The following MON1A variants were observed in gnomAD, a reference collection of about 807,000 sequenced individuals.
MON1A encodes the protein vacuolar fusion protein MON1 homolog A.
MON1A carries 29 observed loss-of-function variants against 44.6 expected under a neutral mutation model. The observed-to-expected ratio is 0.65, with a 90% CI of 0.48 to 0.89. The LOEUF is 0.89. Among genes scored for constraint, MON1A ranks in the 40% least tolerant of loss-of-function variants. The pLI is 0.00. For missense variants in MON1A, 615 were observed against 759.6 expected, an observed-to-expected ratio of 0.81 and a Z score of 2.24; for synonymous variants, 275 against 316.4, an observed-to-expected ratio of 0.87 and a Z score of 1.39.
intron 1 of MON1A, among the ~76,000 whole-genome samples, chr3:49,914,979 C>T (rs1045997675): frequency 8.5e-5 from 13 of 152,180 alleles, no homozygotes; most frequent in African/African-American, 3.1e-4. Context: ...CCATGCCCAG[C>T]CTGGTCTTTT....
chr3:49,918,198 G>T (rs530808544), intron 1 of MON1A, among the ~76,000 whole-genome samples: 1 of 152,052 alleles, frequency 6.6e-6, no homozygotes, highest in Admixed American at 6.5e-5. Flanking sequence ...TTAGCCAGGT[G>T]TGGTGGCACG....
chr3:49,917,579 C>T (rs539091478), intron 1 of MON1A, among the ~76,000 whole-genome samples: 12 of 151,754 alleles, frequency 7.9e-5, no homozygotes, highest in South Asian at 2.1e-4. Context: ...TAAGCCACCA[C>T]GCCTGGCCGG....
intron 1 of MON1A, 63 bp downstream of exon 1, chr3:49,929,546 C>G (rs2083076938): frequency 1.3e-6 from 2 of 1,539,418 alleles, no homozygotes; most frequent in African/African-American, 2.7e-5. Flanking sequence ...CCCCTCCCTC[C>G]AAAGATGACA....
In MON1A at chr3:49,909,095, G is replaced by C; in HGVS notation, c.1587C>G (p.Ala529=). The change falls in exon 6 of 6, where the codon GCC becomes GCG. Residue 529 remains alanine (A), a synonymous_variant. Coordinates refer to ENST00000296473, the MANE Select transcript of MON1A (RefSeq NM_032355.4). This position sits in a 1 kb window ranked among gnomAD's most constrained non-coding sequence, Gnocchi z 4.0. Reference sequence around the variant, plus strand: ...GCATCAGCTTATGGATGGCACTGACGGCTGACGCCTTGGTCCCCAGGGGGC... The same window carrying C: ...GCATCAGCTTATGGATGGCACTGACCGCTGACGCCTTGGTCCCCAGGGGGC... ...CYSPLGTKAS[A]VSAIHKLMRW... 2.5e-6 allele frequency: 4 copies of C among 1,613,724 alleles called. No individual in the cohort carries two copies. Among genetic ancestry groups the C allele is most frequent in the Non-Finnish European group, 3.4e-6 (4 of 1,179,760 alleles).
intron 1 of MON1A, among the ~76,000 whole-genome samples, chr3:49,920,932 C>T (rs554601975): frequency 6.6e-6 from 1 of 151,748 alleles, no homozygotes; most frequent in Non-Finnish European, 1.5e-5. Flanking sequence ...CCAAAGCAAG[C>T]AGATTACTTG....
intron 1 of MON1A, chr3:49,924,619 T>G (rs998845398): frequency 9.9e-6 from 2 of 201,074 alleles, no homozygotes; most frequent in African/African-American, 4.8e-5. Flanking sequence ...GAGGCAGAGG[T>G]TGCAGTGAGC....
At chr3:49,920,841 A>AC (rs1045832345) in intron 1 of MON1A, among the ~76,000 whole-genome samples, 1 of 146,210 alleles carries the variant, frequency 6.8e-6, no homozygotes, top group Non-Finnish European at 1.5e-5. Flanking sequence ...CTGCATCAAA[A>AC]AAAAAAAAGG....
At chr3:49,917,321 T>C (rs2082953802) in intron 1 of MON1A, among the ~76,000 whole-genome samples, 1 of 152,102 alleles carries the variant, frequency 6.6e-6, no homozygotes, top group Admixed American at 6.5e-5. Context: ...AGTCTGGCTC[T>C]GTCGCCCAGG....
chr3:49,909,845 G>A lies in MON1A; in HGVS notation c.1379+274C>T, dbSNP rs2082853254. ...TGACCCCTAAAGTAGAGTTGCTCCA[G>A]GGCAAGGGACCCCGGAGACCTCTGT... On this transcript the variant is annotated intron_variant, in intron 4 of 5. Transcript: ENST00000296473. The surrounding 1 kb of genome is among the most constrained non-coding windows in gnomAD (Gnocchi z 4.0). 2.4e-6 allele frequency: 1 copy of A among 412,878 alleles called. No individual in the cohort carries two copies. Among genetic ancestry groups the A allele is most frequent in the Admixed American group, 4.0e-5 (1 of 24,876 alleles). 25.6% of individuals were successfully genotyped at this position (412,878 alleles called of 1,614,324 possible). A position where few individuals can be genotyped will look rare whatever the true frequency, so the allele number is the denominator to read the frequency against.
intron 1 of MON1A, among the ~76,000 whole-genome samples, chr3:49,922,865 C>T (rs2083013627): frequency 6.6e-6 from 1 of 151,766 alleles, no homozygotes; most frequent in South Asian, 2.1e-4. Context: ...GCGTGTGCCA[C>T]CACACAGGCT....
At position 49,909,221 on chromosome 3, in the gene MON1A, A is replaced by G. The variant is rs200436225; in HGVS notation, c.1527+32T>C. 5 of 1,613,710 alleles carry G rather than the reference A, an allele frequency of 3.1e-6. No homozygotes were observed. The highest frequency in any genetic ancestry group is 2.7e-5 in the African/African-American group (2 of 75,048). ...CTCATGGCCCATACCTAGGACCTCC[A>G]TAAAGCCCAGCCCATCCCAGGGCTG... On this transcript the variant is annotated intron_variant, in intron 5 of 5. Coordinates refer to ENST00000296473, the MANE Select transcript of MON1A (RefSeq NM_032355.4). The surrounding 1 kb of genome is among the most constrained non-coding windows in gnomAD (Gnocchi z 4.0).
At chr3:49,918,452 C>G (rs2082967637) in intron 1 of MON1A, among the ~76,000 whole-genome samples, 1 of 151,642 alleles carries the variant, frequency 6.6e-6, no homozygotes, top group Non-Finnish European at 1.5e-5. Flanking sequence ...CACTCTGTGG[C>G]CCAGACTGGA....
At chr3:49,914,175 C>T (rs893227551) in intron 1 of MON1A, among the ~76,000 whole-genome samples, 2 of 151,396 alleles carry the variant, frequency 1.3e-5, no homozygotes, top group Admixed American at 6.6e-5. Context: ...ACCGCAACCT[C>T]CACCTCCCAG....
chr3:49,910,348 A>G lies in MON1A; in HGVS notation c.1150T>C (p.Tyr384His). 6.2e-7 allele frequency: 1 copy of G among 1,614,208 alleles called. No homozygotes were observed. Among genetic ancestry groups the G allele is most frequent in the Non-Finnish European group, 8.5e-7 (1 of 1,180,042 alleles). ...CAGAGGTCAGTGTCAGGCTCTAGGT[A>G]AGAGATGTGTGCGTGGAAGAAGCCG... ...AAGFFHAHISYLEPDTDLCLL... is the reference protein window; with the variant it reads ...AAGFFHAHISHLEPDTDLCLL... Residue 384 changes from tyrosine (Y) to histidine (H), a missense_variant, in exon 4 of 6, where the codon TAC becomes CAC. Coordinates refer to ENST00000296473, the MANE Select transcript of MON1A (RefSeq NM_032355.4). This position sits in a 1 kb window ranked among gnomAD's most constrained non-coding sequence, Gnocchi z 8.0.
chr3:49,913,283 CA>C lies in MON1A; in HGVS notation c.63del (p.Asp22MetfsTer39). On this transcript the variant is annotated frameshift_variant, in exon 2 of 6. Transcript: ENST00000296473. LOFTEE classifies it high-confidence loss of function. Reference sequence around the variant, plus strand: ...TCAGCTCTCTCCATACTCTGTCCATCAGAAGGAGTCAATGTGCCATCAAGGC... The same window carrying C: ...TCAGCTCTCTCCATACTCTGTCCATCGAAGGAGTCAATGTGCCATCAAGGC... Reference protein sequence around the residue: ...SECLDGTLTPSDGQSMERAES... With the variant: ...SECLDGTLTPXDGQSMERAES... 1 of 1,614,208 alleles carries C rather than the reference CA, an allele frequency of 6.2e-7. No individual in the cohort carries two copies. Among genetic ancestry groups the C allele is most frequent in the South Asian group, 1.1e-5 (1 of 91,088 alleles).
In MON1A at chr3:49,909,004, C is replaced by T; in HGVS notation, c.*10G>A. Reference sequence around the variant, plus strand: ...TGTGTCCAGGAAGGCTGAGCCCGCACACATTCCCATCAATAGGTGAGGGGC... The same window carrying T: ...TGTGTCCAGGAAGGCTGAGCCCGCATACATTCCCATCAATAGGTGAGGGGC... On this transcript the variant is annotated 3_prime_UTR_variant, in exon 6 of 6. Transcript: ENST00000296473. This position sits in a 1 kb window ranked among gnomAD's most constrained non-coding sequence, Gnocchi z 4.0. The T allele has an allele frequency of 6.2e-7, 1 of 1,608,732 alleles. No homozygotes were observed.
At position 49,910,106 on chromosome 3, in the gene MON1A, G is replaced by A; in HGVS notation, c.1379+13C>T. 1 of 1,572,054 alleles carries A rather than the reference G, an allele frequency of 6.4e-7. No homozygotes were observed. The highest frequency in any genetic ancestry group is 8.6e-7 in the Non-Finnish European group (1 of 1,156,358). On this transcript the variant is annotated intron_variant, in intron 4 of 5. Coordinates refer to ENST00000296473, the MANE Select transcript of MON1A (RefSeq NM_032355.4). The surrounding 1 kb of genome is among the most constrained non-coding windows in gnomAD (Gnocchi z 8.0). ...TGTCCCGCTACAGCAGTGCCCTCAA[G>A]GCCCTCCCTCACCTGGTGAAGAGTC...
chr3:49,925,783 C>A (rs184148401), intron 1 of MON1A, among the ~76,000 whole-genome samples: 3 of 152,198 alleles, frequency 2.0e-5, no homozygotes, highest in Non-Finnish European at 4.4e-5. Flanking sequence ...AGATTTCACA[C>A]AGAATGTCCA....
Position 49,910,948 on chromosome 3 carries a change from C to T in MON1A, c.614-64G>A. On this transcript the variant is annotated intron_variant, in intron 3 of 5. Coordinates refer to ENST00000296473, the MANE Select transcript of MON1A (RefSeq NM_032355.4). This position sits in a 1 kb window ranked among gnomAD's most constrained non-coding sequence, Gnocchi z 8.0. ...GGCAGCTCCCTCCGAAAACCGCCTT[C>T]CAGCGCAGCTCTTCGCTTTCCCCAT... The T allele has an allele frequency of 2.3e-5, 34 of 1,477,186 alleles. No homozygotes were observed. The highest frequency in any genetic ancestry group is 3.0e-5 in the Non-Finnish European group (33 of 1,092,534). 91.5% of individuals were successfully genotyped at this position (1,477,186 alleles called of 1,614,324 possible).
Sources: allele counts gnomAD v4.1 joint callset (sites outside exome capture counted in the v4.1 genomes callset), GRCh38; gene constraint gnomAD v4.1.1; non-coding constraint Gnocchi (gnomAD v3.1); transcripts MANE v1.5; gene names NCBI Gene and HGNC (gene_info 2026-07-23, HGNC 2026-07-21).